The following NDRG1 variants were observed in gnomAD, a reference collection of about 807,000 sequenced individuals.
The protein encoded by NDRG1 is protein NDRG1.
NDRG1 carries 32 observed loss-of-function variants against 56.9 expected under a neutral mutation model. That is an observed-to-expected ratio of 0.56 (90% CI 0.42 to 0.76). The LOEUF (loss-of-function observed/expected upper bound fraction) is 0.76. Ranked by LOEUF, NDRG1 falls within the 30% of genes least tolerant of loss-of-function variation. The pLI is 0.00. For synonymous variants in NDRG1, 211 were observed against 204.1 expected, an observed-to-expected ratio of 1.03 and a Z score of -0.29; for missense variants, 507 against 545.7, an observed-to-expected ratio of 0.93 and a Z score of 0.71.
intron 1 of NDRG1, chr8:133,296,561 C>T (rs996838714): frequency 6.6e-6 from 3 of 455,710 alleles, no homozygotes; most frequent in African/African-American, 6.0e-5. Flanking sequence ...CTCTCGGATC[C>T]ACACCCGTTC....
intron 9 of NDRG1, among the ~76,000 whole-genome samples, chr8:133,252,487 G>A (rs1431720111): frequency 2.6e-5 from 4 of 152,148 alleles, no homozygotes; most frequent in African/African-American, 7.2e-5. Flanking sequence ...AGTTGTACTC[G>A]CCAACTCCAG....
At chr8:133,287,293 C>CA (rs1563642557) in intron 1 of NDRG1, among the ~76,000 whole-genome samples, 2 of 152,232 alleles carry the variant, frequency 1.3e-5, no homozygotes, top group Non-Finnish European at 2.9e-5. Context: ...TCCCAGCCCC[C>CA]ACGCCACCAG....
In NDRG1 at chr8:133,237,469, C is replaced by A. The variant is rs1172265448; in HGVS notation, c.*1409G>T. 2 of 232,772 alleles carry A rather than the reference C, an allele frequency of 8.6e-6. No homozygotes were observed. Among genetic ancestry groups the A allele is most frequent in the Non-Finnish European group, 1.7e-5 (2 of 117,822 alleles). 14.4% of individuals were successfully genotyped at this position (232,772 alleles called of 1,614,324 possible). On this transcript the variant is annotated 3_prime_UTR_variant, in exon 16 of 16. Coordinates refer to ENST00000323851, the MANE Select transcript of NDRG1 (RefSeq NM_006096.4). ...CAATATTCAATTCACTCTGACCAAA[C>A]TTCCTATGAGAAAATCCACGGTGAG...
chr8:133,273,301 C>T (rs761138601), intron 3 of NDRG1, among the ~76,000 whole-genome samples: 20 of 152,214 alleles, frequency 1.3e-4, no homozygotes, highest in Admixed American at 4.6e-4. Flanking sequence ...ACTCGGCCCA[C>T]GAGGTACAAT....
intron 4 of NDRG1, chr8:133,262,401 G>T: frequency 1.8e-6 from 1 of 541,896 alleles, no homozygotes; most frequent in East Asian, 3.3e-5. Flanking sequence ...GTAGCTGGCA[G>T]ATGAGTCTTG....
intron 2 of NDRG1, among the ~76,000 whole-genome samples, chr8:133,282,533 G>T (rs905178279): frequency 2.0e-5 from 3 of 152,192 alleles, no homozygotes; most frequent in Admixed American, 2.0e-4. Context: ...TAAGAATATG[G>T]TGATATGTAT....
chr8:133,276,511 G>C (rs1857464288), intron 3 of NDRG1, among the ~76,000 whole-genome samples: 1 of 152,222 alleles, frequency 6.6e-6, no homozygotes, highest in Non-Finnish European at 1.5e-5. Context: ...GAACCAGTGG[G>C]AGGTAATTGA....
In NDRG1 at chr8:133,294,675, G is replaced by GGA. The variant is rs1554596655; in HGVS notation, c.-19+2458_-19+2459insTC. ...GTTGAGATCTGTCTTCTGTCATGGG[G>GGA]GGGGGGCAGCCCCATTCAGTCAAAG... On this transcript the variant is annotated intron_variant, in intron 1 of 15. Transcript: ENST00000323851. 2.7e-3 allele frequency among the ~76,000 whole-genome samples: 414 copies of GGA among 152,032 alleles called. 3 individuals are homozygous for GGA. Among genetic ancestry groups the GGA allele is most frequent in the African/African-American group, 9.2e-3 (381 of 41,444 alleles).
rs1172501455 is a variant in NDRG1 at position 133,248,662 on chromosome 8, T to C, written c.755+53A>G. 13 of 1,607,578 alleles carry C rather than the reference T, an allele frequency of 8.1e-6. No individual in the cohort carries two copies. The Admixed American group carries it at 1.3e-4, about 16-fold the overall frequency. On this transcript the variant is annotated intron_variant, in intron 11 of 15. Transcript: ENST00000323851. ...AGAAGGCCCTGCCAGCAAGGCCACC[T>C]TTATAGTGGGCAGCCCCGACTGCAA...
At chr8:133,275,784 G>A (rs1857423079) in intron 3 of NDRG1, among the ~76,000 whole-genome samples, 1 of 152,174 alleles carries the variant, frequency 6.6e-6, no homozygotes, top group Non-Finnish European at 1.5e-5. Context: ...GCGATCTCAG[G>A]CAAGTTCCCT....
At chr8:133,278,643 A>G (rs1213499919) in intron 3 of NDRG1, among the ~76,000 whole-genome samples, 1 of 152,148 alleles carries the variant, frequency 6.6e-6, no homozygotes, top group African/African-American at 2.4e-5. Flanking sequence ...CATCTGAAAA[A>G]TAAAGCTAAT....
chr8:133,263,286 C>T (rs554427869), intron 4 of NDRG1, among the ~76,000 whole-genome samples: 1 of 152,290 alleles, frequency 6.6e-6, no homozygotes, highest in South Asian at 2.1e-4. Context: ...GTGACACCAT[C>T]CCCAGCCTCA....
intron 5 of NDRG1, chr8:133,259,436 G>A (rs1195038251): frequency 1.6e-6 from 1 of 616,902 alleles, no homozygotes; most frequent in Admixed American, 2.5e-5. Context: ...CAGGTCCCAT[G>A]GACACATTCT....
Position 133,256,816 on chromosome 8 carries a change from G to A in NDRG1, c.498C>T (p.Asn166=). 6.2e-7 allele frequency: 1 copy of A among 1,614,180 alleles called. No homozygotes were observed. Among genetic ancestry groups the A allele is most frequent in the East Asian group, 2.2e-5 (1 of 44,876 alleles). Residue 166 remains asparagine, a synonymous_variant, in exon 8 of 16, where the codon AAC becomes AAT. Transcript: ENST00000323851. ...AGTCCATCCAGCCTTCCGCACAAGG[G>A]TTCACGTTGATAAGGACAAGGCCCT... ...MVEGLVLINV[N]PCAEGWMDWA...
At chr8:133,284,210 T>C (rs1301747898) in intron 2 of NDRG1, 39 bp downstream of exon 2, 4 of 1,596,158 alleles carry the variant, frequency 2.5e-6, no homozygotes, top group Non-Finnish European at 3.4e-6. Context: ...TATGTGCACA[T>C]GTGCCTGTGA....
chr8:133,282,854 A>C (rs1219698034), intron 2 of NDRG1, among the ~76,000 whole-genome samples: 1 of 152,214 alleles, frequency 6.6e-6, no homozygotes, highest in Non-Finnish European at 1.5e-5. Context: ...TGGAATGATA[A>C]GCAAGCATCT....
intron 12 of NDRG1, among the ~76,000 whole-genome samples, chr8:133,247,154 G>A (rs1458817044): frequency 3.3e-5 from 5 of 152,146 alleles, no homozygotes; most frequent in African/African-American, 1.2e-4. Context: ...ATGTAACCCA[G>A]GATGTTCAAA....
At chr8:133,266,471 C>A (rs1018133419) in intron 3 of NDRG1, among the ~76,000 whole-genome samples, 1 of 152,204 alleles carries the variant, frequency 6.6e-6, no homozygotes, top group Non-Finnish European at 1.5e-5. Flanking sequence ...CACTTAGGCA[C>A]CCTGTGGGGG....
At chr8:133,287,502 C>T (rs980458096) in intron 1 of NDRG1, among the ~76,000 whole-genome samples, 10 of 152,250 alleles carry the variant, frequency 6.6e-5, no homozygotes, top group African/African-American at 2.4e-4. Context: ...CCCCACGGAG[C>T]TCACAGTCCC....
Sources: allele counts gnomAD v4.1 joint callset (sites outside exome capture counted in the v4.1 genomes callset), GRCh38; gene constraint gnomAD v4.1.1; transcripts MANE v1.5; gene names NCBI Gene and HGNC (gene_info 2026-07-23, HGNC 2026-07-21).